Variants in AMMECR1L observed in about 807,000 individuals in gnomAD.
AMMECR1L encodes the protein AMMECR1 like.
Under a neutral mutation model 36.8 loss-of-function variants are expected in AMMECR1L, and 4 were observed. The observed-to-expected ratio is 0.11, with a 90% CI of 0.05 to 0.25. The LOEUF (loss-of-function observed/expected upper bound fraction) is 0.25. AMMECR1L is among the 10% of genes least tolerant of loss of function. The probability of loss-of-function intolerance (pLI) is 1.00; values close to 1 mark genes in which losing one functional copy is unlikely to be tolerated. For synonymous variants in AMMECR1L, 147 were observed against 148.0 expected, an observed-to-expected ratio of 0.99 and a Z score of 0.05; for missense variants, 232 against 392.1, an observed-to-expected ratio of 0.59 and a Z score of 3.45.
intron 2 of AMMECR1L, among the ~76,000 whole-genome samples, chr2:127,878,013 T>C (rs1691327505): frequency 6.6e-6 from 1 of 152,120 alleles, no homozygotes; most frequent in South Asian, 2.1e-4. Context: ...GAGCCATGTT[T>C]GTACCACTGC....
Position 127,873,620 on chromosome 2 carries a change from A to G in AMMECR1L, c.407+208T>C, listed in dbSNP as rs1691092800. ...AACATTACTTTAACAACAAGCCTACAGCCTCCTCCAAATGTGAACTGCTCC... is the reference window on the plus strand; with the variant it reads ...AACATTACTTTAACAACAAGCCTACGGCCTCCTCCAAATGTGAACTGCTCC... On this transcript the variant is annotated intron_variant, in intron 3 of 7. Transcript: ENST00000272647. The surrounding 1 kb of genome is among the most constrained non-coding windows in gnomAD (Gnocchi z 5.2). The G allele has an allele frequency of 7.1e-6, 7 of 985,354 alleles. No individual in the cohort carries two copies. Among genetic ancestry groups the G allele is most frequent in the Admixed American group, 6.1e-5 (1 of 16,276 alleles). The allele number at this position is 985,354 out of a possible 1,614,324, so 61.0% of individuals were successfully genotyped here. A position where few individuals can be genotyped will look rare whatever the true frequency, so the allele number is the denominator to read the frequency against.
At position 127,871,023 on chromosome 2, in the gene AMMECR1L, T is replaced by G; in HGVS notation, c.519-95A>C. The G allele has an allele frequency of 1.6e-5, 16 of 1,015,984 alleles. No homozygotes were observed. Among genetic ancestry groups the G allele is most frequent in the Non-Finnish European group, 2.2e-5 (15 of 689,926 alleles). 62.9% of individuals were successfully genotyped at this position (1,015,984 alleles called of 1,614,324 possible). A position where few individuals can be genotyped will look rare whatever the true frequency, so the allele number is the denominator to read the frequency against. On this transcript the variant is annotated intron_variant, in intron 4 of 7. Transcript: ENST00000272647. The surrounding 1 kb of genome is among the most constrained non-coding windows in gnomAD (Gnocchi z 4.3). The stretch of plus-strand genomic sequence containing the variant: ...CCACATATTTATGAATCTTGAGCTA[T>G]GCAGAGAGTATCTATTGTTCATCAA...
chr2:127,861,720 G>A lies in AMMECR1L; in HGVS notation c.*3374C>T, dbSNP rs1300806566. On this transcript the variant is annotated 3_prime_UTR_variant, in exon 8 of 8. Transcript: ENST00000272647. ...AGTTATATAGCCAAGAGGCAACCAA[G>A]TGTAATACAAAGAATTGGTCTGAAG... is the stretch of plus-strand genomic sequence containing the variant. 2 of 152,192 alleles carry A rather than the reference G, an allele frequency of 1.3e-5. No individual in the cohort carries two copies. The highest frequency in any genetic ancestry group is 2.9e-5 in the Non-Finnish European group (2 of 68,042). 9.4% of individuals were successfully genotyped at this position (152,192 alleles called of 1,614,324 possible). A position where few individuals can be genotyped will look rare whatever the true frequency, so the allele number is the denominator to read the frequency against.
At chr2:127,867,036 C>CA in intron 6 of AMMECR1L, 40 bp from the exon 7 acceptor site, 11 of 1,612,154 alleles carry the variant, frequency 6.8e-6, no homozygotes, top group Non-Finnish European at 9.3e-6. Context: ...AATGCACATG[C>CA]AAGAGTAAGG....
chr2:127,865,077 G>A lies in AMMECR1L; in HGVS notation c.*17C>T. 1.3e-6 allele frequency: 2 copies of A among 1,599,070 alleles called. No individual in the cohort carries two copies. The highest frequency in any genetic ancestry group is 1.7e-6 in the Non-Finnish European group (2 of 1,167,632). ...TTGGTGGCCACGGGGGGGTGGGACTGGTCATGCAGCCGTGTGTCAGGAGTA... is the reference window on the plus strand; with the variant it reads ...TTGGTGGCCACGGGGGGGTGGGACTAGTCATGCAGCCGTGTGTCAGGAGTA... On this transcript the variant is annotated 3_prime_UTR_variant, in exon 8 of 8. Coordinates refer to ENST00000272647, the MANE Select transcript of AMMECR1L (RefSeq NM_001199140.2). This position sits in a 1 kb window ranked among gnomAD's most constrained non-coding sequence, Gnocchi z 5.4.
intron 2 of AMMECR1L, among the ~76,000 whole-genome samples, chr2:127,881,770 T>C (rs1217805081): frequency 2.6e-5 from 4 of 152,242 alleles, no homozygotes; most frequent in African/African-American, 2.4e-5. Flanking sequence ...AGAGGAATAA[T>C]GCCCTCCTAA....
At chr2:127,878,167 A>C (rs1691333669) in intron 2 of AMMECR1L, among the ~76,000 whole-genome samples, 1 of 152,222 alleles carries the variant, frequency 6.6e-6, no homozygotes. Flanking sequence ...AAACAATATG[A>C]AAAACCAAGC....
rs538492358 is a variant in AMMECR1L at position 127,873,492 on chromosome 2, C to T, written c.407+336G>A. On this transcript the variant is annotated intron_variant, in intron 3 of 7. Coordinates refer to ENST00000272647, the MANE Select transcript of AMMECR1L (RefSeq NM_001199140.2). The surrounding 1 kb of genome is among the most constrained non-coding windows in gnomAD (Gnocchi z 5.2). ...ACCTGGACTTCAACACTATGGGTGT[C>T]CCCAATGGTATGGCGTGACTTCCCC... The T allele has an allele frequency of 1.5e-5, 15 of 985,332 alleles. No homozygotes were observed. Among genetic ancestry groups the T allele is most frequent in the Non-Finnish European group, 1.7e-5 (14 of 829,948 alleles). 61.0% of individuals were successfully genotyped at this position (985,332 alleles called of 1,614,324 possible).
intron 7 of AMMECR1L, 22 bp downstream of exon 7, chr2:127,866,878 G>C: frequency 6.2e-7 from 1 of 1,606,648 alleles, no homozygotes; most frequent in Non-Finnish European, 8.5e-7. Flanking sequence ...GAAATGATAA[G>C]GAAAACAAGA....
Position 127,885,184 on chromosome 2 carries a change from C to G in AMMECR1L, c.-149+626G>C, listed in dbSNP as rs371595926. ...GAAGGAGGGCCCAAGAGTAGGGGTG[C>G]GAAAAAGAGAAGAGGAGGAGGAGAA... On this transcript the variant is annotated intron_variant, in intron 1 of 7. Coordinates refer to ENST00000272647, the MANE Select transcript of AMMECR1L (RefSeq NM_001199140.2). The G allele has an allele frequency of 6.8e-5, 67 of 983,666 alleles. 2 individuals carry two copies. The South Asian group carries it at 1.3e-3, about 19-fold the overall frequency. 60.9% of individuals were successfully genotyped at this position (983,666 alleles called of 1,614,324 possible).
rs1295464411 is a variant in AMMECR1L, at chr2:127,873,024, C to A, written c.407+804G>T. 1.0e-6 allele frequency: 1 copy of A among 985,318 alleles called. No individual in the cohort carries two copies. 61.0% of individuals were successfully genotyped at this position (985,318 alleles called of 1,614,324 possible). On this transcript the variant is annotated intron_variant, in intron 3 of 7. Coordinates refer to ENST00000272647, the MANE Select transcript of AMMECR1L (RefSeq NM_001199140.2). This position sits in a 1 kb window ranked among gnomAD's most constrained non-coding sequence, Gnocchi z 5.2. ...CAAGGGAAGAGGCTCCTTTTCTTCA[C>A]ACCCTCTCCATGCCCCAGCCAAGGT...
chr2:127,883,685 T>C (rs1193065441), intron 2 of AMMECR1L, among the ~76,000 whole-genome samples: 1 of 152,202 alleles, frequency 6.6e-6, no homozygotes, highest in African/African-American at 2.4e-5. Flanking sequence ...CCCCAGAACT[T>C]TGTTTCAAGT....
At position 127,874,308 on chromosome 2, in the gene AMMECR1L, G is replaced by T; in HGVS notation, c.-38-36C>A. ...TGAGAAGTTAAGCATTAATTTGACT[G>T]GTTAGTTAAAAGGAGAGGAAAAAAC... On this transcript the variant is annotated intron_variant, in intron 2 of 7. Transcript: ENST00000272647. The surrounding 1 kb of genome is among the most constrained non-coding windows in gnomAD (Gnocchi z 5.2). 1 of 1,554,728 alleles carries T rather than the reference G, an allele frequency of 6.4e-7. No homozygotes were observed. The highest frequency in any genetic ancestry group is 2.1e-5 in the Admixed American group (1 of 48,058).
At chr2:127,875,148 G>A (rs1691166605) in intron 2 of AMMECR1L, among the ~76,000 whole-genome samples, 1 of 144,736 alleles carries the variant, frequency 6.9e-6, no homozygotes, top group Non-Finnish European at 1.6e-5. Context: ...GCGAAGGGAA[G>A]GAAGGGATTT....
At chr2:127,872,329 G>A (rs2104757522) in intron 3 of AMMECR1L, among the ~76,000 whole-genome samples, 1 of 151,930 alleles carries the variant, frequency 6.6e-6, no homozygotes, top group East Asian at 2.0e-4. Context: ...TTACAGGCAT[G>A]AGCCACCGCG....
At chr2:127,884,625 G>A (rs1256900213) in intron 1 of AMMECR1L, 1 of 152,204 alleles carries the variant, frequency 6.6e-6, no homozygotes, top group African/African-American at 2.4e-5. Context: ...CACAGATGCA[G>A]AGCAAAAGTT....
At chr2:127,866,758 C>T (rs1690703583) in intron 7 of AMMECR1L, 142 bp downstream of exon 7, 1 of 813,834 alleles carries the variant, frequency 1.2e-6, no homozygotes, top group Non-Finnish European at 2.0e-6. Flanking sequence ...GCTGCCACTG[C>T]TTCCTCAAAA....
In AMMECR1L at chr2:127,873,559, A is replaced by G. The variant is rs986431922; in HGVS notation, c.407+269T>C. On this transcript the variant is annotated intron_variant, in intron 3 of 7. Coordinates refer to ENST00000272647, the MANE Select transcript of AMMECR1L (RefSeq NM_001199140.2). The surrounding 1 kb of genome is among the most constrained non-coding windows in gnomAD (Gnocchi z 5.2). ...GCCATACCCACTGCCATGTGAACCA[A>G]CAGAAGAGCCAAGAATGAACTCACT... 10 of 985,316 alleles carry G rather than the reference A, an allele frequency of 1.0e-5. No individual in the cohort carries two copies. The African/African-American group carries it at 1.6e-4, about 15-fold the overall frequency. The allele number at this position is 985,316 out of a possible 1,614,324, so 61.0% of individuals were successfully genotyped here.
At chr2:127,884,545 G>A (rs1441634779) in intron 1 of AMMECR1L, among the ~76,000 whole-genome samples, 1 of 152,116 alleles carries the variant, frequency 6.6e-6, no homozygotes, top group African/African-American at 2.4e-5. Context: ...CAGCAAGAAG[G>A]GAGGACACTG....
Sources: gnomAD v4.1 joint callset for allele counts (sites outside exome capture counted in the v4.1 genomes callset) on GRCh38, gnomAD v4.1.1 for gene constraint, Gnocchi (gnomAD v3.1) non-coding constraint, MANE v1.5 for transcripts, NCBI Gene and HGNC (gene_info 2026-07-23, HGNC 2026-07-21) for gene names.